Variants in GRIN2A observed in about 807,000 individuals in gnomAD.
The protein encoded by GRIN2A is glutamate ionotropic receptor NMDA type subunit 2A, also known as glutamate receptor ionotropic, NMDA 2A.
Under a neutral mutation model 113.4 loss-of-function variants are expected in GRIN2A, and 22 were observed. The ratio of observed to expected loss-of-function variants is 0.19; its 90% CI spans 0.14 to 0.28. The LOEUF is 0.28. Among genes scored for constraint, GRIN2A ranks in the 10% least tolerant of loss-of-function variants. The pLI, the probability that GRIN2A is intolerant of heterozygous loss-of-function variation, is 1.00. For synonymous variants in GRIN2A, 827 were observed against 738.4 expected, an observed-to-expected ratio of 1.12 and a Z score of -1.94; for missense variants, 1,502 against 1,887.0, an observed-to-expected ratio of 0.80 and a Z score of 3.78.
intron 2 of GRIN2A, among the ~76,000 whole-genome samples, chr16:10,015,289 AGAAAGGAAAGG>A (rs2046588329): frequency 2.3e-5 from 3 of 132,100 alleles, no homozygotes; most frequent in African/African-American, 6.0e-5. Flanking sequence ...AAAAAGAAAA[AGAAAGGAAAGG>A]AAAAGAAAAA....
At chr16:9,774,227 GAA>G (rs1454475754) in intron 11 of GRIN2A, among the ~76,000 whole-genome samples, 1 of 152,152 alleles carries the variant, frequency 6.6e-6, no homozygotes, top group Non-Finnish European at 1.5e-5. Flanking sequence ...AAAAAGGAAT[GAA>G]AGAAAATTCA....
chr16:10,057,457 G>C (rs559385670), intron 2 of GRIN2A, among the ~76,000 whole-genome samples: 2 of 152,120 alleles, frequency 1.3e-5, no homozygotes, highest in South Asian at 2.1e-4. Flanking sequence ...TGGATATATA[G>C]ACAATAAATA....
At chr16:10,092,981 G>C (rs1432847700) in intron 2 of GRIN2A, among the ~76,000 whole-genome samples, 5 of 151,782 alleles carry the variant, frequency 3.3e-5, no homozygotes, top group Non-Finnish European at 5.9e-5. Flanking sequence ...TGGGATTACA[G>C]GCACCCACCA....
rs1031194521 is a variant in GRIN2A at position 10,181,912 on chromosome 16, C to A, written c.-54G>T. On this transcript the variant is annotated 5_prime_UTR_variant, in exon 1 of 13. Coordinates refer to ENST00000330684, the MANE Select transcript of GRIN2A (RefSeq NM_001134407.3). ...AGAAGGTCGAGGATGCAGTGGGGCG[C>A]GCTGCGCGCACGAGCATCTCGGCCG... 1 of 152,848 alleles carries A rather than the reference C, an allele frequency of 6.5e-6. No homozygotes were observed. Among genetic ancestry groups the A allele is most frequent in the African/African-American group, 2.4e-5 (1 of 41,478 alleles). The allele number at this position is 152,848 out of a possible 1,614,324, so 9.5% of individuals were successfully genotyped here.
At chr16:9,942,862 A>C (rs904063664) in intron 2 of GRIN2A, among the ~76,000 whole-genome samples, 1 of 152,192 alleles carries the variant, frequency 6.6e-6, no homozygotes, top group Non-Finnish European at 1.5e-5. Flanking sequence ...ATTCAACCCA[A>C]AAACCACCAT....
chr16:9,932,942 C>A (rs2044630623), intron 3 of GRIN2A, among the ~76,000 whole-genome samples: 1 of 152,116 alleles, frequency 6.6e-6, no homozygotes, highest in African/African-American at 2.4e-5. Flanking sequence ...CCTGGCCACT[C>A]CTGAACTGGA....
intron 4 of GRIN2A, among the ~76,000 whole-genome samples, chr16:9,865,971 C>T (rs530439697): frequency 3.9e-4 from 59 of 152,304 alleles, no homozygotes; most frequent in African/African-American, 1.0e-3. Context: ...ATAGCCTCAA[C>T]GCTTGCCTTT....
intron 2 of GRIN2A, among the ~76,000 whole-genome samples, chr16:10,109,362 C>T (rs1194009194): frequency 2.0e-5 from 3 of 151,696 alleles, no homozygotes; most frequent in African/African-American, 4.8e-5. Context: ...AAAAAAGAGT[C>T]CTACACAAAT....
chr16:10,159,948 C>T (rs2049777860), intron 2 of GRIN2A, among the ~76,000 whole-genome samples: 2 of 152,108 alleles, frequency 1.3e-5, no homozygotes, highest in South Asian at 2.1e-4. Flanking sequence ...TCAGAGTTTG[C>T]CGCAAGTCAA....
chr16:10,041,536 G>A (rs2047166512), intron 2 of GRIN2A, among the ~76,000 whole-genome samples: 1 of 152,142 alleles, frequency 6.6e-6, no homozygotes, highest in Admixed American at 6.5e-5. Context: ...TATCTCTTAG[G>A]TAAGGGCTCT....
intron 2 of GRIN2A, among the ~76,000 whole-genome samples, chr16:10,152,184 A>C (rs2049594736): frequency 6.6e-6 from 1 of 152,180 alleles, no homozygotes; most frequent in Non-Finnish European, 1.5e-5. Flanking sequence ...CAGATACCAG[A>C]CAGATCCAAG....
chr16:9,755,814 G>A lies in GRIN2A; in HGVS notation c.*7335C>T, dbSNP rs1900329272. ...ACAGAATAACCGTCATTATCCTAAT[G>A]CTAAGTGAGCCGGGAATTATCTCTA... On this transcript the variant is annotated 3_prime_UTR_variant, in exon 13 of 13. Coordinates refer to ENST00000330684, the MANE Select transcript of GRIN2A (RefSeq NM_001134407.3). 5.0e-6 allele frequency: 1 copy of A among 201,984 alleles called. No individual in the cohort carries two copies. Among genetic ancestry groups the A allele is most frequent in the Admixed American group, 6.0e-5 (1 of 16,642 alleles). 12.5% of individuals were successfully genotyped at this position (201,984 alleles called of 1,614,324 possible).
intron 2 of GRIN2A, among the ~76,000 whole-genome samples, chr16:10,038,875 C>A (rs373780514): frequency 6.6e-6 from 1 of 150,434 alleles, no homozygotes; most frequent in Non-Finnish European, 1.5e-5. Context: ...CAAAACAAAA[C>A]AAAAAAAACA....
chr16:10,025,597 T>C (rs1481445836), intron 2 of GRIN2A, among the ~76,000 whole-genome samples: 1 of 152,126 alleles, frequency 6.6e-6, no homozygotes, highest in African/African-American at 2.4e-5. Flanking sequence ...TCACCATGCC[T>C]GACACAGCAG....
intron 3 of GRIN2A, among the ~76,000 whole-genome samples, chr16:9,900,581 A>T (rs1177999719): frequency 6.6e-6 from 1 of 152,220 alleles, no homozygotes; most frequent in African/African-American, 2.4e-5. Flanking sequence ...CAAAGATTTC[A>T]ACTAGAAGCA....
At chr16:10,067,623 G>A (rs1336450241) in intron 2 of GRIN2A, among the ~76,000 whole-genome samples, 4 of 152,116 alleles carry the variant, frequency 2.6e-5, no homozygotes, top group African/African-American at 4.8e-5. Flanking sequence ...AAAGAGTCCA[G>A]GAGAAAAACA....
At chr16:9,881,787 C>T (rs377283938) in intron 4 of GRIN2A, among the ~76,000 whole-genome samples, 12 of 152,300 alleles carry the variant, frequency 7.9e-5, no homozygotes, top group African/African-American at 2.4e-4. Context: ...CTGCTATTGT[C>T]TTTCTAAGCA....
rs907876588 is a variant in GRIN2A at position 10,182,340 on chromosome 16, A to C, written c.-482T>G. ...CACGAGAAGCTAACTGGGCACCTCC[A>C]CCCGCACCCCCTACCACCTCCCCAG... On this transcript the variant is annotated 5_prime_UTR_variant, in exon 1 of 13. Transcript: ENST00000330684. 11 of 152,188 alleles carry C rather than the reference A, an allele frequency of 7.2e-5. No individual in the cohort carries two copies. The highest frequency in any genetic ancestry group is 2.7e-4 in the African/African-American group (11 of 41,398). The allele number at this position is 152,188 out of a possible 1,614,324, so 9.4% of individuals were successfully genotyped here.
chr16:9,829,209 G>T (rs1178911544), intron 9 of GRIN2A, among the ~76,000 whole-genome samples: 1 of 152,200 alleles, frequency 6.6e-6, no homozygotes, highest in East Asian at 1.9e-4. Flanking sequence ...TTCCAAATTA[G>T]ATCTGGAATC....
Sources: allele counts gnomAD v4.1 joint callset (sites outside exome capture counted in the v4.1 genomes callset), GRCh38; gene constraint gnomAD v4.1.1; transcripts MANE v1.5; gene names NCBI Gene and HGNC (gene_info 2026-07-23, HGNC 2026-07-21).